MYH7B: variants seen among roughly 807,000 people sequenced by gnomAD.
The protein encoded by MYH7B is myosin heavy chain 7B.
In MYH7B, 205 loss-of-function variants were observed where a neutral mutation model predicts 234.5. The observed-to-expected ratio is 0.87, with a 90% CI of 0.78 to 0.98. The LOEUF is 0.98. MYH7B is among the 50% of genes least tolerant of loss of function. The pLI, the probability that MYH7B is intolerant of heterozygous loss-of-function variation, is 0.00. For missense variants in MYH7B, 2,652 were observed against 2,633.4 expected, an observed-to-expected ratio of 1.01 and a Z score of -0.15; for synonymous variants, 1,193 against 1,105.0, an observed-to-expected ratio of 1.08 and a Z score of -1.58.
chr20:34,973,373 C>A (rs1399114759), intron 2 of MYH7B, among the ~76,000 whole-genome samples: 1 of 152,206 alleles, frequency 6.6e-6, no homozygotes, highest in Non-Finnish European at 1.5e-5. Flanking sequence ...TGTGTCCCTC[C>A]CAGCTGTAGA....
chr20:34,996,519 G>A (rs755318469), exon 29 of MYH7B: 2 of 1,610,312 alleles, frequency 1.2e-6, no homozygotes, highest in South Asian at 2.2e-5. Flanking sequence ...AACAGGTGGA[G>A]GACGTGAGTC....
At chr20:34,971,767 A>C (rs2081795712) in intron 2 of MYH7B, among the ~76,000 whole-genome samples, 1 of 152,244 alleles carries the variant, frequency 6.6e-6, no homozygotes, top group South Asian at 2.1e-4. Flanking sequence ...ACACTGTCAA[A>C]TTCCGTCGCT....
intron 2 of MYH7B, among the ~76,000 whole-genome samples, chr20:34,968,807 C>T (rs765237114): frequency 6.6e-6 from 1 of 152,168 alleles, no homozygotes; most frequent in Non-Finnish European, 1.5e-5. Flanking sequence ...GTATGCACAG[C>T]GCACGTAGCG....
At chr20:35,000,215 T>C in intron 38 of MYH7B, 78 bp from the exon 39 acceptor site, 1 of 1,486,642 alleles carries the variant, frequency 6.7e-7, no homozygotes, top group Middle Eastern at 1.8e-4. Context: ...AATGGGTTCG[T>C]TTCCAACGGT....
chr20:34,979,987 C>A, intron 7 of MYH7B, 183 bp downstream of exon 7: 1 of 558,792 alleles, frequency 1.8e-6, no homozygotes, highest in Non-Finnish European at 2.9e-6. Context: ...GGGCTCTGAG[C>A]AGTGGGGGCG....
At chr20:35,001,616 C>T in intron 43 of MYH7B, 90 bp downstream of exon 43, 2 of 1,162,110 alleles carry the variant, frequency 1.7e-6, no homozygotes, top group Non-Finnish European at 2.5e-6. Flanking sequence ...AGCAGCTCCA[C>T]CCTCCAAGGT....
rs910004856 is a variant in MYH7B, at chr20:34,996,863, G to A, written c.3266+105G>A. 7.6e-5 allele frequency: 113 copies of A among 1,482,156 alleles called. No homozygotes were observed. The Middle Eastern group carries it at 7.6e-4, about 10-fold the overall frequency. 91.8% of individuals were successfully genotyped at this position (1,482,156 alleles called of 1,614,324 possible). On this transcript the variant is annotated intron_variant, in intron 30 of 44. Transcript: ENST00000262873. Reference sequence around the variant, plus strand: ...TGCGGCATTGCAGAGGTTAAGGGTGGGGGTTGACAGATGGGGCACTGGGGT... The same window carrying A: ...TGCGGCATTGCAGAGGTTAAGGGTGAGGGTTGACAGATGGGGCACTGGGGT...
chr20:34,996,834 T>G, intron 30 of MYH7B, 76 bp downstream of exon 30: 2 of 1,551,640 alleles, frequency 1.3e-6, no homozygotes, highest in Admixed American at 1.9e-5. Context: ...ATTCTTGTGG[T>G]TCCTGCGGCA....
At chr20:34,984,596 T>G (rs751312987) in intron 10 of MYH7B, 96 bp from the exon 11 acceptor site, 50 of 1,127,584 alleles carry the variant, frequency 4.4e-5, no homozygotes, top group Non-Finnish European at 6.4e-5. Context: ...CACCCCCCTG[T>G]CCTGCTGCCC....
At chr20:34,991,323 G>A (rs1305472895) in intron 24 of MYH7B, among the ~76,000 whole-genome samples, 2 of 152,198 alleles carry the variant, frequency 1.3e-5, no homozygotes, top group African/African-American at 4.8e-5. Context: ...TAGGCTTGGG[G>A]CAAATAGTGG....
At chr20:34,998,878 G>C in exon 35 of MYH7B, 1 of 1,613,208 alleles carries the variant, frequency 6.2e-7, no homozygotes, top group South Asian at 1.1e-5. Context: ...GTACGAAGCA[G>C]ATGCCATCCA....
exon 41 of MYH7B, chr20:35,001,078 G>A (rs781585599): frequency 5.0e-6 from 8 of 1,613,624 alleles, no homozygotes; most frequent in African/African-American, 1.3e-5. Flanking sequence ...GACGGTGCGC[G>A]AGCTCCAGGC....
At chr20:34,974,174 G>T (rs183129593) in intron 2 of MYH7B, among the ~76,000 whole-genome samples, 1 of 148,738 alleles carries the variant, frequency 6.7e-6, no homozygotes, top group Non-Finnish European at 1.5e-5. Context: ...TAATCCACCC[G>T]CCTTGGCTTC....
exon 35 of MYH7B, chr20:34,998,881 G>A: frequency 6.2e-7 from 1 of 1,613,146 alleles, no homozygotes; most frequent in Admixed American, 1.7e-5. Flanking sequence ...CGAAGCAGAT[G>A]CCATCCAGAG....
At chr20:34,979,464 G>C in exon 6 of MYH7B, 2 of 1,613,942 alleles carry the variant, frequency 1.2e-6, no homozygotes, top group Non-Finnish European at 1.7e-6. Context: ...GGCTACCGGG[G>C]GCAGAGTCAC....
chr20:35,001,660 A>G (rs1261697999), intron 43 of MYH7B, 134 bp downstream of exon 43: 1 of 845,396 alleles, frequency 1.2e-6, no homozygotes, highest in East Asian at 2.7e-5. Context: ...AGCTTCTAAC[A>G]TCTCTGGGGA....
In MYH7B at chr20:34,997,413, CG is replaced by C. The variant is rs2147232515; in HGVS notation, c.3523del (p.Glu1175ArgfsTer71). 1 of 1,474,588 alleles carries C rather than the reference CG, an allele frequency of 6.8e-7. No homozygotes were observed. Among genetic ancestry groups the C allele is most frequent in the South Asian group, 1.4e-5 (1 of 73,404 alleles). The allele number at this position is 1,474,588 out of a possible 1,614,324, so 91.3% of individuals were successfully genotyped here. ...GGGGCAGCGCGAGGGCTGCCGCAAG[CG>C]GGAGGCGGAGCTGGGGAGGCTGCGG... On this transcript the variant is annotated frameshift_variant, in exon 32 of 45. Coordinates refer to ENST00000262873, the Ensembl canonical transcript of MYH7B. LOFTEE classifies it high-confidence loss of function.
exon 5 of MYH7B, chr20:34,978,041 C>T: frequency 6.2e-7 from 1 of 1,614,120 alleles, no homozygotes; most frequent in Non-Finnish European, 8.5e-7. Flanking sequence ...AGTCTGCCCG[C>T]TACCTCCGCC....
chr20:35,001,110 G>A (rs760342368), exon 41 of MYH7B: 1 of 1,613,922 alleles, frequency 6.2e-7, no homozygotes. Flanking sequence ...AGGCAGAACA[G>A]GCCGCCCTCC....
Sources: gnomAD v4.1 joint callset for allele counts (sites outside exome capture counted in the v4.1 genomes callset) on GRCh38, gnomAD v4.1.1 for gene constraint, MANE v1.5 for transcripts, NCBI Gene and HGNC (gene_info 2026-07-23, HGNC 2026-07-21) for gene names.